CDH23: variants seen among roughly 807,000 people sequenced by gnomAD.
CDH23 encodes the protein cadherin related 23, also known as cadherin-23.
A neutral mutation model predicts 317.1 loss-of-function variants in CDH23; 189 were observed. The ratio of observed to expected loss-of-function variants is 0.60; its 90% confidence interval spans 0.53 to 0.67. The LOEUF (loss-of-function observed/expected upper bound fraction) is 0.67, where lower values mean the gene tolerates loss of function less well. CDH23 is among the 30% of genes least tolerant of loss of function. CDH23 has a pLI of 0.00. For missense variants in CDH23, 4,401 were observed against 4,592.4 expected (o/e 0.96, Z 1.20); for synonymous variants, 1,839 against 1,876.8 (o/e 0.98, Z 0.52).
intron 62 of CDH23, among the ~76,000 whole-genome samples, chr10:71,810,953 A>G (rs1841898276): frequency 6.6e-6 from 1 of 151,934 alleles, no homozygotes. Context: ...GGTGGCACAC[A>G]CCTGTAATCC....
At chr10:71,723,813 G>T (rs1488179132) in intron 28 of CDH23, among the ~76,000 whole-genome samples, 3 of 152,168 alleles carry the variant, frequency 2.0e-5, no homozygotes, top group Non-Finnish European at 2.9e-5. Flanking sequence ...GAGGATCGGG[G>T]CAGAGCTGGT....
At chr10:71,565,204 G>C (rs967726532) in intron 6 of CDH23, among the ~76,000 whole-genome samples, 1 of 152,130 alleles carries the variant, frequency 6.6e-6, no homozygotes, top group Non-Finnish European at 1.5e-5. Flanking sequence ...TCCTTAAGGT[G>C]GGGGAGGGGT....
chr10:71,727,660 C>T (rs1781160622), intron 30 of CDH23, among the ~76,000 whole-genome samples: 1 of 152,134 alleles, frequency 6.6e-6, no homozygotes, highest in Non-Finnish European at 1.5e-5. Flanking sequence ...GTTCACGACA[C>T]ATACACACAC....
At chr10:71,444,446 G>A (rs1850060118) in intron 2 of CDH23, among the ~76,000 whole-genome samples, 1 of 152,232 alleles carries the variant, frequency 6.6e-6, no homozygotes, top group Admixed American at 6.5e-5. Context: ...CTGGGGAGGT[G>A]TGTACGTGGG....
chr10:71,785,193 C>G (rs1841071657), intron 43 of CDH23, 93 bp downstream of exon 43: 2 of 1,004,024 alleles, frequency 2.0e-6, no homozygotes, highest in Non-Finnish European at 3.0e-6. Flanking sequence ...ACCATCTGGG[C>G]TCCACCGGGC....
chr10:71,565,710 A>G (rs1398672765), intron 6 of CDH23, among the ~76,000 whole-genome samples: 4 of 152,212 alleles, frequency 2.6e-5, no homozygotes, highest in African/African-American at 2.4e-5. Context: ...GTTTACACTC[A>G]TGATCTTATG....
intron 14 of CDH23, among the ~76,000 whole-genome samples, chr10:71,659,157 C>T (rs550232983): frequency 1.3e-5 from 2 of 152,266 alleles, no homozygotes; most frequent in South Asian, 4.1e-4. Flanking sequence ...CAGAGAACAC[C>T]AGAGCGAAGA....
At chr10:71,515,847 G>C (rs930178853) in intron 6 of CDH23, among the ~76,000 whole-genome samples, 1 of 152,218 alleles carries the variant, frequency 6.6e-6, no homozygotes, top group African/African-American at 2.4e-5. Flanking sequence ...ATTTTACTAA[G>C]AGAAAGTCAA....
At chr10:71,591,526 C>T (rs1859492754) in intron 9 of CDH23, among the ~76,000 whole-genome samples, 1 of 152,194 alleles carries the variant, frequency 6.6e-6, no homozygotes, top group South Asian at 2.1e-4. Context: ...CCCCATGTTA[C>T]AGCCACCCTC....
intron 3 of CDH23, among the ~76,000 whole-genome samples, chr10:71,480,009 C>A (rs1851986167): frequency 6.6e-6 from 1 of 152,230 alleles, no homozygotes; most frequent in African/African-American, 2.4e-5. Flanking sequence ...GATCCACCTG[C>A]TTCAGTCCCA....
At chr10:71,466,159 G>A (rs1010091727) in intron 3 of CDH23, among the ~76,000 whole-genome samples, 7 of 152,198 alleles carry the variant, frequency 4.6e-5, no homozygotes, top group African/African-American at 1.7e-4. Context: ...GAAAGGGAGA[G>A]ACTGTGGGTG....
At chr10:71,725,010 G>A (rs139549269) in intron 29 of CDH23, among the ~76,000 whole-genome samples, 1 of 152,196 alleles carries the variant, frequency 6.6e-6, no homozygotes, top group Non-Finnish European at 1.5e-5. Context: ...GAGTGCCCCA[G>A]GTTCTTCTGA....
intron 1 of CDH23, among the ~76,000 whole-genome samples, chr10:71,434,691 A>G (rs1389774745): frequency 6.6e-6 from 1 of 151,494 alleles, no homozygotes; most frequent in Non-Finnish European, 1.5e-5. Context: ...TGCTGCTCTA[A>G]ATCTGAGAAA....
chr10:71,785,089 A>T lies in CDH23; in HGVS notation c.5701A>T (p.Ile1901Phe). 1 of 1,613,878 alleles carries T rather than the reference A, an allele frequency of 6.2e-7. No homozygotes were observed. ...TAGNRERAFF[I>F]NATTGIVTVN... The stretch of plus-strand genomic sequence containing the variant: ...GGGCAACCGCGAGCGGGCCTTCTTC[A>T]TCAATGCCACGGTAGGGCCTAGACT... Residue 1901 changes from isoleucine to phenylalanine, a missense_variant, in exon 43 of 70, where the codon ATC becomes TTC. Physicochemically the swap from Ile to Phe is conservative, Grantham distance 21. This residue lies in a region of CDH23 where 3,068 missense variants were observed against 3,203.3 expected (regional missense o/e 0.96). Transcript: ENST00000224721.
chr10:71,505,014 T>C (rs980929076), intron 3 of CDH23, among the ~76,000 whole-genome samples: 18 of 152,346 alleles, frequency 1.2e-4, no homozygotes, highest in South Asian at 8.3e-4. Context: ...GGAATTTGCA[T>C]TGTAAAGCTC....
intron 8 of CDH23, among the ~76,000 whole-genome samples, chr10:71,576,430 G>A (rs1256657520): frequency 6.6e-6 from 1 of 152,158 alleles, no homozygotes; most frequent in East Asian, 1.9e-4. Flanking sequence ...GGTGGAGTTA[G>A]AGGAGGGGTA....
intron 27 of CDH23, 59 bp downstream of exon 27, chr10:71,709,270 C>G: frequency 1.3e-6 from 2 of 1,489,948 alleles, no homozygotes; most frequent in South Asian, 1.1e-5. Context: ...ACACAGGGTG[C>G]CTCCCAGGAG....
intron 8 of CDH23, among the ~76,000 whole-genome samples, chr10:71,575,752 C>T (rs1858145564): frequency 1.3e-5 from 2 of 152,234 alleles, no homozygotes; most frequent in Admixed American, 6.5e-5. Context: ...CTCCATCCCC[C>T]GTCTTTGGAA....
In CDH23 at chr10:71,730,469, G is replaced by A. The variant is rs1839334151; in HGVS notation, c.3580G>A (p.Val1194Met). 1 of 1,613,614 alleles carries A rather than the reference G, an allele frequency of 6.2e-7. No homozygotes were observed. Among genetic ancestry groups the A allele is most frequent in the Non-Finnish European group, 8.5e-7 (1 of 1,179,824 alleles). ...DLGPMRSSVR[V>M]IVYVEDINDE... ...TGCACCCCTGGCCCGGCTCCCACAG[G>A]TGATTGTGTACGTGGAGGACATCAA... The change falls in exon 31 of 70, where the codon GTG becomes ATG. Residue 1194 changes from valine (V) to methionine (M), a missense_variant and splice_region_variant. Physicochemically the swap from Val to Met is conservative, Grantham distance 21. Around this residue, in one of 3 missense-constraint regions of CDH23, gnomAD observed 3,068 missense variants for 3,203.3 expected, o/e 0.96. Transcript: ENST00000224721.
Sources: gnomAD v4.1 joint callset for allele counts (sites outside exome capture counted in the v4.1 genomes callset) on GRCh38, gnomAD v4.1.1 for gene constraint, gnomAD v4.1.1 regional missense constraint, MANE v1.5 for transcripts, NCBI Gene and HGNC (gene_info 2026-07-23, HGNC 2026-07-21) for gene names.